Variants in CD99L2 observed in about 807,000 individuals in gnomAD.
CD99L2 encodes CD99 antigen-like protein 2.
CD99L2 carries 24 observed loss-of-function variants against 27.3 expected under a neutral mutation model. The ratio of observed to expected loss-of-function variants is 0.88; its 90% CI spans 0.64 to 1.24. CD99L2 has a LOEUF of 1.24. Among genes scored for constraint, CD99L2 ranks in the 50% most tolerant of loss-of-function variants. The pLI, the probability that CD99L2 is intolerant of heterozygous loss-of-function variation, is 0.00. For synonymous variants in CD99L2, 97 were observed against 87.9 expected, an observed-to-expected ratio of 1.10 and a Z score of -0.58; for missense variants, 255 against 221.6, an observed-to-expected ratio of 1.15 and a Z score of -0.96.
At chrX:150,815,488 T>C (rs2046139737) in intron 3 of CD99L2, among the ~76,000 whole-genome samples, 1 of 111,971 alleles carries the variant, frequency 8.9e-6, no homozygotes, top group East Asian at 2.8e-4. Flanking sequence ...ATGGGAGCAA[T>C]GACTGGGATC....
intron 1 of CD99L2, among the ~76,000 whole-genome samples, chrX:150,870,820 C>T (rs2047145084): frequency 1.8e-5 from 2 of 109,899 alleles, no homozygotes; most frequent in Admixed American, 2.0e-4. Context: ...CGCCTTGCTC[C>T]AGGAGGGAAG....
intron 6 of CD99L2, among the ~76,000 whole-genome samples, chrX:150,794,347 A>G (rs1557419826): frequency 3.6e-5 from 4 of 111,631 alleles, no homozygotes; most frequent in Non-Finnish European, 7.5e-5. Flanking sequence ...CCTCACCAAC[A>G]CCTTGACTGC....
chrX:150,806,180 A>G (rs550851417), intron 4 of CD99L2, among the ~76,000 whole-genome samples: 1 of 112,469 alleles, frequency 8.9e-6, no homozygotes, highest in Admixed American at 9.4e-5. Flanking sequence ...ATCTCTCTGT[A>G]TTATTTCTTA....
At position 150,898,536 on chromosome X, in the gene CD99L2, G is replaced by C. The variant is rs1557423153; in HGVS notation, c.53C>G (p.Thr18Ser). 1 of 1,113,203 alleles carries C rather than the reference G, an allele frequency of 9.0e-7. No homozygotes were observed. Among genetic ancestry groups the C allele is most frequent in the South Asian group, 2.1e-5 (1 of 48,068 alleles). The allele number at this position is 1,113,203 out of a possible 1,213,427, so 91.7% of individuals were successfully genotyped here. ...GCCCGCCTTACCTCGCTGGACCAGGGTGGCCAAGGAGAAAGCGAGGCAGAC... is the reference window on the plus strand; with the variant it reads ...GCCCGCCTTACCTCGCTGGACCAGGCTGGCCAAGGAGAAAGCGAGGCAGAC... ...FLVCLAFSLA[T>S]LVQRGSGDFD... The change falls in exon 1 of 11, where the codon ACC (threonine) becomes AGC (serine). Residue 18 changes from threonine to serine, a missense_variant. Transcript: ENST00000370377.
rs782165280 is a variant in CD99L2 at position 150,882,324 on chromosome X, C to G, written c.67+16198G>C. ...CTCTCTCTCTCCTGCCTCTCCCTCC[C>G]ACCCTGTAACTAGAAATAATGTTCA... On this transcript the variant is annotated intron_variant, in intron 1 of 10. Transcript: ENST00000370377. Among the ~76,000 whole-genome samples, 6 of 112,305 alleles carry G rather than the reference C, an allele frequency of 5.3e-5. No individual in the cohort carries two copies. The South Asian group carries it at 2.2e-3, about 41-fold the overall frequency.
At chrX:150,776,354 G>A in intron 8 of CD99L2, 61 bp from the exon 9 acceptor site, 2 of 1,123,269 alleles carry the variant, frequency 1.8e-6, no homozygotes, top group Non-Finnish European at 2.4e-6. Flanking sequence ...ACCGCAGGGA[G>A]CAGCCTGGGA....
chrX:150,891,568 T>C (rs1187166793), intron 1 of CD99L2, among the ~76,000 whole-genome samples: 3 of 112,020 alleles, frequency 2.7e-5, no homozygotes, highest in African/African-American at 9.7e-5. Flanking sequence ...GGTCAGCAGA[T>C]TGGCGGCCTG....
Position 150,768,863 on chromosome X carries a change from A to G in CD99L2, c.*171T>C. 2 of 1,004,120 alleles carry G rather than the reference A, an allele frequency of 2.0e-6. No homozygotes were observed. Among genetic ancestry groups the G allele is most frequent in the Non-Finnish European group, 2.5e-6 (2 of 793,268 alleles). The allele number at this position is 1,004,120 out of a possible 1,213,427, so 82.8% of individuals were successfully genotyped here. A position where few individuals can be genotyped will look rare whatever the true frequency, so the allele number is the denominator to read the frequency against. On this transcript the variant is annotated 3_prime_UTR_variant, in exon 11 of 11. Transcript: ENST00000370377. ...CACCAAGTCTCAGCACGCTTGGGGC[A>G]GGGCAGAGAAACCAAACTCACAAAC...
At chrX:150,831,552 C>G (rs2046445001) in intron 1 of CD99L2, among the ~76,000 whole-genome samples, 1 of 110,932 alleles carries the variant, frequency 9.0e-6, no homozygotes, top group African/African-American at 3.3e-5. Context: ...ATGATGAGAA[C>G]ACATGAACAC....
intron 6 of CD99L2, among the ~76,000 whole-genome samples, chrX:150,794,356 G>A (rs1387276260): frequency 2.7e-5 from 3 of 112,034 alleles, no homozygotes; most frequent in Non-Finnish European, 5.6e-5. Context: ...CACCTTGACT[G>A]CAGCTATATG....
chrX:150,847,120 C>T (rs1266773565), intron 1 of CD99L2, among the ~76,000 whole-genome samples: 1 of 112,274 alleles, frequency 8.9e-6, no homozygotes, highest in Non-Finnish European at 1.9e-5. Flanking sequence ...GTCCTCAATT[C>T]CAATCCTGCA....
intron 2 of CD99L2, among the ~76,000 whole-genome samples, chrX:150,817,151 A>G (rs994868034): frequency 3.1e-4 from 32 of 103,814 alleles, no homozygotes; most frequent in African/African-American, 1.0e-3. Context: ...TACATATGTA[A>G]CTAACCTGCA....
At chrX:150,799,335 CA>C (rs368884708) in intron 4 of CD99L2, among the ~76,000 whole-genome samples, 19,412 of 89,683 alleles carry the variant, frequency 0.22, 1,751 homozygotes, top group African/African-American at 0.33. Flanking sequence ...CTGTCTCTAC[CA>C]AAAAAAAAAA....
chrX:150,873,843 C>A lies in CD99L2; in HGVS notation c.67+24679G>T, dbSNP rs2047192430. Among the ~76,000 whole-genome samples the A allele has an allele frequency of 1.8e-5, 2 of 111,942 alleles. 1 individual carries two copies. The highest frequency in any genetic ancestry group is 1.9e-4 in the Admixed American group (2 of 10,597). ...CAACCAGGGCCTGAGCCTGACTACC[C>A]AAACATGAAACAGGATGTACCTTCC... On this transcript the variant is annotated intron_variant, in intron 1 of 10. Transcript: ENST00000370377.
In CD99L2 at chrX:150,767,469, C is replaced by T. The variant is rs1557418699; in HGVS notation, c.*1565G>A. 8.9e-6 allele frequency: 1 copy of T among 112,019 alleles called. No individual in the cohort carries two copies. The highest frequency in any genetic ancestry group is 2.8e-4 in the East Asian group (1 of 3,558). The allele number at this position is 112,019 out of a possible 1,213,427, so 9.2% of individuals were successfully genotyped here. On this transcript the variant is annotated 3_prime_UTR_variant, in exon 11 of 11. Transcript: ENST00000370377. ...GGGTGGTAAGGAGCTCAAGGGCACGCACTGGGAATGGCCTCACAAGGCAGC... is the reference window on the plus strand; with the variant it reads ...GGGTGGTAAGGAGCTCAAGGGCACGTACTGGGAATGGCCTCACAAGGCAGC...
intron 6 of CD99L2, among the ~76,000 whole-genome samples, chrX:150,794,554 C>T (rs1007087333): frequency 5.3e-5 from 6 of 112,513 alleles, no homozygotes; most frequent in Non-Finnish European, 1.1e-4. Flanking sequence ...GATAGTCCCA[C>T]GGAACCAAGT....
intron 4 of CD99L2, among the ~76,000 whole-genome samples, chrX:150,799,315 T>C (rs1341115164): frequency 2.9e-5 from 3 of 102,536 alleles, no homozygotes; most frequent in African/African-American, 3.6e-5. Flanking sequence ...CTGGACAACA[T>C]GGTGAAACCC....
At chrX:150,844,840 C>A in intron 1 of CD99L2, among the ~76,000 whole-genome samples, 1 of 97,547 alleles carries the variant, frequency 1.0e-5, no homozygotes, top group South Asian at 5.1e-4. Context: ...GACCCGGTCA[C>A]TGACAGGGCA....
At chrX:150,805,601 T>C (rs1222467627) in intron 4 of CD99L2, among the ~76,000 whole-genome samples, 2 of 111,365 alleles carry the variant, frequency 1.8e-5, no homozygotes, top group African/African-American at 6.5e-5. Flanking sequence ...TAAGAACGTG[T>C]ATGTAAGTGC....
Sources: allele counts gnomAD v4.1 joint callset (sites outside exome capture counted in the v4.1 genomes callset), GRCh38; gene constraint gnomAD v4.1.1; transcripts MANE v1.5; gene names NCBI Gene and HGNC (gene_info 2026-07-23, HGNC 2026-07-21).